SUFU: variants seen among roughly 807,000 people sequenced by gnomAD.
The protein encoded by SUFU is SUFU negative regulator of hedgehog signaling.
SUFU carries 7 observed loss-of-function variants against 58.9 expected under a neutral mutation model. The ratio of observed to expected loss-of-function variants is 0.12; its 90% CI spans 0.07 to 0.22. The LOEUF (loss-of-function observed/expected upper bound fraction) is 0.22. Ranked by LOEUF, SUFU falls within the 10% of genes least tolerant of loss-of-function variation. The probability of loss-of-function intolerance (pLI) is 1.00; values close to 1 mark genes in which losing one functional copy is unlikely to be tolerated. For missense variants in SUFU, 451 were observed against 641.3 expected, an observed-to-expected ratio of 0.70 and a Z score of 3.20; for synonymous variants, 232 against 254.8, an observed-to-expected ratio of 0.91 and a Z score of 0.85.
At chr10:102,615,423 A>G (rs1332827358) in intron 9 of SUFU, 21 bp downstream of exon 9, 2 of 1,613,766 alleles carry the variant, frequency 1.2e-6, no homozygotes, top group East Asian at 2.2e-5. Context: ...CAGCCCTGCC[A>G]CACAGTTTAC....
At chr10:102,584,102 A>C (rs1272536756) in intron 3 of SUFU, among the ~76,000 whole-genome samples, 1 of 152,216 alleles carries the variant, frequency 6.6e-6, no homozygotes, top group Non-Finnish European at 1.5e-5. Context: ...AACATACTGC[A>C]GTAGAAAGCA....
chr10:102,503,784 C>T (rs1442522142), upstream of SUFU, among the ~76,000 whole-genome samples: 3 of 152,198 alleles, frequency 2.0e-5, no homozygotes, highest in Admixed American at 1.3e-4. Flanking sequence ...ACTTGGGTTC[C>T]TCCTAACACT....
At chr10:102,590,242 T>G (rs2063384343) in intron 3 of SUFU, among the ~76,000 whole-genome samples, 1 of 139,514 alleles carries the variant, frequency 7.2e-6, no homozygotes, top group African/African-American at 2.6e-5. Context: ...CTCTGCTCAC[T>G]GCAACCTCCA....
At chr10:102,584,171 G>T (rs1393811817) in intron 3 of SUFU, among the ~76,000 whole-genome samples, 1 of 152,202 alleles carries the variant, frequency 6.6e-6, no homozygotes, top group Non-Finnish European at 1.5e-5. Context: ...TGGGCAAGTT[G>T]CCCAGGGTCA....
rs533603727 is a variant in SUFU, at chr10:102,630,370, C to T, written c.*215C>T. The T allele has an allele frequency of 1.7e-6, 1 of 596,258 alleles. No individual in the cohort carries two copies. The highest frequency in any genetic ancestry group is 1.9e-5 in the South Asian group (1 of 52,302). The allele number at this position is 596,258 out of a possible 1,614,324, so 36.9% of individuals were successfully genotyped here. A position where few individuals can be genotyped will look rare whatever the true frequency, so the allele number is the denominator to read the frequency against. On this transcript the variant is annotated 3_prime_UTR_variant, in exon 12 of 12. Coordinates refer to ENST00000369902, the MANE Select transcript of SUFU (RefSeq NM_016169.4). Reference sequence around the variant, plus strand: ...GGGCCGCACCCCGCCGCTGGCTAAGCCTTGTGACCCATCAGGCCAGTGAGT... The same window carrying T: ...GGGCCGCACCCCGCCGCTGGCTAAGTCTTGTGACCCATCAGGCCAGTGAGT...
At chr10:102,621,975 C>T (rs1554855302) in intron 10 of SUFU, among the ~76,000 whole-genome samples, 1 of 152,226 alleles carries the variant, frequency 6.6e-6, no homozygotes, top group Non-Finnish European at 1.5e-5. Flanking sequence ...GATCACTTTT[C>T]GGGTTCCTTT....
chr10:102,559,830 A>G (rs2063017493), intron 3 of SUFU, among the ~76,000 whole-genome samples: 1 of 152,194 alleles, frequency 6.6e-6, no homozygotes, highest in African/African-American at 2.4e-5. Flanking sequence ...CACAAATTCC[A>G]AGGCAATTTC....
chr10:102,551,417 C>G (rs918611277), intron 3 of SUFU, among the ~76,000 whole-genome samples: 1 of 152,076 alleles, frequency 6.6e-6, no homozygotes, highest in African/African-American at 2.4e-5. Context: ...GTGGTTGGAT[C>G]ACCTGAGGTC....
intron 2 of SUFU, 22 bp from the exon 3 acceptor site, chr10:102,549,948 A>C: frequency 6.2e-7 from 1 of 1,614,140 alleles, no homozygotes; most frequent in Non-Finnish European, 8.5e-7. Flanking sequence ...AGCTTAAAAC[A>C]CTTGCTTTTT....
At position 102,625,793 on chromosome 10, in the gene SUFU, G is replaced by A. The variant is rs1025788767; in HGVS notation, c.1297-1382G>A. 6.6e-6 allele frequency among the ~76,000 whole-genome samples: 1 copy of A among 152,088 alleles called. No homozygotes were observed. The highest frequency in any genetic ancestry group is 2.4e-5 in the African/African-American group (1 of 41,412). ...TATTTCTCACTCCCTCCTCCACCCC[G>A]TCCACTTCTTGCTTTAGAGACCTCC... On this transcript the variant is annotated intron_variant, in intron 10 of 11. Coordinates refer to ENST00000369902, the MANE Select transcript of SUFU (RefSeq NM_016169.4). This position sits in a 1 kb window ranked among gnomAD's most constrained non-coding sequence, Gnocchi z 4.7.
intron 3 of SUFU, chr10:102,591,154 G>A (rs1031641195): frequency 5.3e-5 from 8 of 152,238 alleles, no homozygotes; most frequent in African/African-American, 1.9e-4. Flanking sequence ...ACAGACCATA[G>A]TGAACTCTGG....
chr10:102,581,693 C>G (rs2063282270), intron 3 of SUFU, among the ~76,000 whole-genome samples: 2 of 152,214 alleles, frequency 1.3e-5, no homozygotes, highest in African/African-American at 2.4e-5. Flanking sequence ...CATAGGCTAA[C>G]TGAACCTTTC....
intron 3 of SUFU, among the ~76,000 whole-genome samples, chr10:102,590,582 T>C (rs968252199): frequency 2.0e-5 from 3 of 152,218 alleles, no homozygotes; most frequent in African/African-American, 7.2e-5. Context: ...GTCTTACCTT[T>C]GCTTTTCATA....
In SUFU at chr10:102,625,810, G is replaced by T. The variant is rs535066195; in HGVS notation, c.1297-1365G>T. 1.1e-4 allele frequency among the ~76,000 whole-genome samples: 17 copies of T among 152,260 alleles called. No individual in the cohort carries two copies. Among genetic ancestry groups the T allele is most frequent in the South Asian group, 4.1e-4 (2 of 4,830 alleles). ...TCCACCCCGTCCACTTCTTGCTTTAGAGACCTCCGTCCTGTGAGCTCCCGA... is the reference window on the plus strand; with the variant it reads ...TCCACCCCGTCCACTTCTTGCTTTATAGACCTCCGTCCTGTGAGCTCCCGA... On this transcript the variant is annotated intron_variant, in intron 10 of 11. Coordinates refer to ENST00000369902, the MANE Select transcript of SUFU (RefSeq NM_016169.4). This position sits in a 1 kb window ranked among gnomAD's most constrained non-coding sequence, Gnocchi z 4.7.
At chr10:102,616,802 C>G (rs1024837052) in intron 9 of SUFU, among the ~76,000 whole-genome samples, 1 of 152,170 alleles carries the variant, frequency 6.6e-6, no homozygotes, top group Non-Finnish European at 1.5e-5. Context: ...ATGGGAAAGC[C>G]CAGGAGCAGG....
At chr10:102,595,481 A>G (rs538498601) in intron 6 of SUFU, among the ~76,000 whole-genome samples, 4 of 152,368 alleles carry the variant, frequency 2.6e-5, no homozygotes, top group Non-Finnish European at 5.9e-5. Flanking sequence ...ACTGGGATCC[A>G]GCATGGGGCA....
At chr10:102,605,711 A>T (rs997358864) in intron 8 of SUFU, among the ~76,000 whole-genome samples, 2 of 137,210 alleles carry the variant, frequency 1.5e-5, no homozygotes, top group South Asian at 4.8e-4. Flanking sequence ...TTAAAGGGAG[A>T]CCTGCAGGTG....
At chr10:102,512,355 G>C (rs1448322001) in intron 2 of SUFU, among the ~76,000 whole-genome samples, 1 of 152,210 alleles carries the variant, frequency 6.6e-6, no homozygotes, top group Non-Finnish European at 1.5e-5. Context: ...ATTTAGTGCA[G>C]CTAGCCTGTA....
In SUFU at chr10:102,509,239, C is replaced by G. The variant is rs1187640052; in HGVS notation, c.253C>G (p.Pro85Ala). The change falls in exon 2 of 12, where the codon CCC becomes GCC. Residue 85 changes from proline (P) to alanine (A), a missense_variant. By Grantham distance (27) the Pro-to-Ala change is conservative (BLOSUM62 -1). Transcript: ENST00000369902. Reference protein sequence around the residue: ...RNVGSPSANIPEHWHYISFGL... With the variant: ...RNVGSPSANIAEHWHYISFGL... ...TGTGGGGAGCCCTTCTGCTAACATC[C>G]CCGAGCACTGGCACTACATCAGCTT... 2 of 1,614,154 alleles carry G rather than the reference C, an allele frequency of 1.2e-6. No homozygotes were observed. Among genetic ancestry groups the G allele is most frequent in the Non-Finnish European group, 1.7e-6 (2 of 1,180,026 alleles).
Sources: gnomAD v4.1 joint callset for allele counts (sites outside exome capture counted in the v4.1 genomes callset) on GRCh38, gnomAD v4.1.1 for gene constraint, Gnocchi (gnomAD v3.1) non-coding constraint, MANE v1.5 for transcripts, NCBI Gene and HGNC (gene_info 2026-07-23, HGNC 2026-07-21) for gene names.